CYREN: variants seen among roughly 807,000 people sequenced by gnomAD.
The protein encoded by CYREN is cell cycle regulator of NHEJ, also known as cell cycle regulator of non-homologous end joining.
Under a neutral mutation model 9.7 loss-of-function variants are expected in CYREN, and 7 were observed. The observed-to-expected ratio is 0.72, with a 90% CI of 0.41 to 1.36. The LOEUF is 1.36. CYREN is among the 40% of genes most tolerant of loss of function. The pLI, the probability that CYREN is intolerant of heterozygous loss-of-function variation, is 0.01. For missense variants in CYREN, 215 were observed against 198.1 expected (o/e 1.09, Z -0.51); for synonymous variants, 76 against 77.9 (o/e 0.98, Z 0.13).
At chr7:135,128,389 G>T in intron 2 of CYREN, 5 of 571,408 alleles carry the variant, frequency 8.8e-6, no homozygotes, top group Non-Finnish European at 1.6e-5. Flanking sequence ...TAGCAGTGAG[G>T]ATGATCAGAG....
At chr7:135,135,862 C>T (rs566224593) in intron 2 of CYREN, 2 of 152,238 alleles carry the variant, frequency 1.3e-5, no homozygotes, top group South Asian at 4.1e-4. Flanking sequence ...AAAAGTGTGG[C>T]ACAACATGGC....
intron 2 of CYREN, among the ~76,000 whole-genome samples, chr7:135,135,933 T>C (rs1212586124): frequency 6.6e-6 from 1 of 152,032 alleles, no homozygotes; most frequent in African/African-American, 2.4e-5. Flanking sequence ...GTAGCAAAGG[T>C]GTAAAGATGT....
intron 2 of CYREN, among the ~76,000 whole-genome samples, chr7:135,155,402 T>G (rs917964633): frequency 1.9e-4 from 29 of 152,176 alleles, no homozygotes; most frequent in Admixed American, 1.7e-3. Context: ...ATAGACTCTT[T>G]GTCTTTGCCT....
At chr7:135,162,648 G>C (rs553353416), downstream of CYREN, among the ~76,000 whole-genome samples, 2 of 152,302 alleles carry the variant, frequency 1.3e-5, no homozygotes, top group Admixed American at 6.5e-5. Context: ...CATGAGTACA[G>C]TATGGGGGAA....
rs1034905927 is a variant in CYREN at position 135,119,813 on chromosome 7, C to T, written n.357-25231G>A. ...AATGGCATGAACCTGGGAGGCAGAG[C>T]TTGCAGTGAGCCAAGATCGTGCCAC... On this transcript the variant is annotated intron_variant and non_coding_transcript_variant, in intron 2 of 2. Transcript: ENST00000459937. 2.0e-5 allele frequency among the ~76,000 whole-genome samples: 3 copies of T among 152,118 alleles called. No individual in the cohort carries two copies. In the East Asian group the frequency reaches 5.8e-4, roughly 30 times the overall value.
At chr7:135,163,622 G>A (rs528193610), downstream of CYREN, among the ~76,000 whole-genome samples, 1 of 152,350 alleles carries the variant, frequency 6.6e-6, no homozygotes, top group African/African-American at 2.4e-5. Flanking sequence ...TCCAGCCTGG[G>A]TGACAGAGTG....
At chr7:135,094,034 T>C (rs971447829) in exon 3 of CYREN, 2 of 186,382 alleles carry the variant, frequency 1.1e-5, no homozygotes, top group African/African-American at 4.8e-5. Flanking sequence ...CTGGGACAAC[T>C]GGATATCCAC....
chr7:135,158,453 T>C (rs974060690), intron 2 of CYREN, among the ~76,000 whole-genome samples: 2 of 152,100 alleles, frequency 1.3e-5, no homozygotes, highest in African/African-American at 2.4e-5. Flanking sequence ...GTAAGCAGCA[T>C]TGGCAACAAG....
chr7:135,156,368 C>T (rs1829792124), intron 2 of CYREN, among the ~76,000 whole-genome samples: 1 of 152,054 alleles, frequency 6.6e-6, no homozygotes, highest in East Asian at 1.9e-4. Context: ...TCTTGCAGTC[C>T]CAGACATCTC....
chr7:135,165,204 C>G (rs1830063056), downstream of CYREN: 1 of 546,306 alleles, frequency 1.8e-6, no homozygotes, highest in Admixed American at 3.4e-5. Context: ...GATTGTCTGT[C>G]CTTCAGGACT....
chr7:135,158,723 G>C (rs1829855838), intron 2 of CYREN, among the ~76,000 whole-genome samples: 2 of 152,056 alleles, frequency 1.3e-5, no homozygotes, highest in African/African-American at 4.8e-5. Context: ...GTGGGGAGGG[G>C]TGTCTACTCA....
intron 2 of CYREN, among the ~76,000 whole-genome samples, chr7:135,158,676 A>T (rs186632237): frequency 2.3e-4 from 34 of 150,302 alleles, no homozygotes; most frequent in African/African-American, 7.6e-4. Context: ...GGGATCAGAG[A>T]GTGTCCCTCC....
intron 2 of CYREN, among the ~76,000 whole-genome samples, chr7:135,102,530 T>C (rs1219177778): frequency 6.6e-6 from 1 of 152,108 alleles, no homozygotes; most frequent in Non-Finnish European, 1.5e-5. Flanking sequence ...CTCAGTATTA[T>C]GTGGCTATGA....
In CYREN at chr7:135,168,870, G is replaced by A. The variant is rs200318159; in HGVS notation, c.53C>T (p.Thr18Ile). Residue 18 changes from threonine (T) to isoleucine (I), a missense_variant, in exon 2 of 4, where the codon ACA becomes ATA. By Grantham distance (89) the Thr-to-Ile change is moderately conservative. Transcript: ENST00000393114. The part of the protein sequence containing the change: ...TKTRVLPSWL[T>I]AQVATKNVAP... ...CACATTCTTTGTAGCCACCTGGGCT[G>A]TCAGCCATGAGGGAAGGACCCTCGT... is the stretch of plus-strand genomic sequence containing the variant. The A allele has an allele frequency of 4.3e-6, 7 of 1,613,938 alleles. No individual in the cohort carries two copies. In the East Asian group the frequency reaches 1.6e-4, roughly 36 times the overall value.
upstream of CYREN, among the ~76,000 whole-genome samples, chr7:135,171,313 T>TGTTTTG (rs201266584): frequency 1.7e-5 from 2 of 117,546 alleles, no homozygotes; most frequent in South Asian, 2.4e-4. Context: ...GTACCTGTTT[T>TGTTTTG]TTTTTTTTTT....
At chr7:135,120,202 G>T (rs191659755) in intron 2 of CYREN, among the ~76,000 whole-genome samples, 78 of 152,190 alleles carry the variant, frequency 5.1e-4, no homozygotes, top group African/African-American at 1.8e-3. Flanking sequence ...AAAAATACAG[G>T]TAGATATAAA....
At position 135,118,815 on chromosome 7, in the gene CYREN, G is replaced by A. The variant is rs528167108; in HGVS notation, n.357-24233C>T. ...AAAATAGCCTCAGCAGAGAGAGAGAGAAAAAAATATTAAGAACCAAATAGA... is the reference window on the plus strand; with the variant it reads ...AAAATAGCCTCAGCAGAGAGAGAGAAAAAAAAATATTAAGAACCAAATAGA... On this transcript the variant is annotated intron_variant and non_coding_transcript_variant, in intron 2 of 2. Coordinates refer to the CYREN transcript ENST00000459937. Among the ~76,000 whole-genome samples the A allele has an allele frequency of 2.1e-3, 321 of 151,808 alleles. 1 individual carries two copies. Among genetic ancestry groups the A allele is most frequent in the African/African-American group, 7.0e-3 (291 of 41,422 alleles).
intron 2 of CYREN, chr7:135,147,676 C>A: frequency 2.3e-6 from 1 of 427,850 alleles, no homozygotes. Flanking sequence ...GGTTGGGGGA[C>A]AGACGGCATA....
chr7:135,098,191 A>G (rs1042389438), intron 2 of CYREN, among the ~76,000 whole-genome samples: 1 of 152,178 alleles, frequency 6.6e-6, no homozygotes, highest in Non-Finnish European at 1.5e-5. Context: ...GCCGTTGCTA[A>G]TAAGTAAAGT....
Sources: gnomAD v4.1 joint callset for allele counts (sites outside exome capture counted in the v4.1 genomes callset) on GRCh38, gnomAD v4.1.1 for gene constraint, MANE v1.5 for transcripts, NCBI Gene and HGNC (gene_info 2026-07-23, HGNC 2026-07-21) for gene names.